KDM6A: variants seen among roughly 807,000 people sequenced by gnomAD.
The protein encoded by KDM6A is lysine-specific demethylase 6A.
Under a neutral mutation model 117.6 loss-of-function variants are expected in KDM6A, and 11 were observed. That is an observed-to-expected ratio of 0.09 (90% CI 0.06 to 0.15). KDM6A has a LOEUF of 0.15. KDM6A is among the 10% of genes least tolerant of loss of function. The pLI is 1.00. For missense variants in KDM6A, 799 were observed against 1,077.3 expected, an observed-to-expected ratio of 0.74 and a Z score of 3.62; for synonymous variants, 384 against 396.1, an observed-to-expected ratio of 0.97 and a Z score of 0.36.
chrX:45,078,533 G>T (rs779923162), intron 20 of KDM6A, 28 bp downstream of exon 20: 1 of 1,137,709 alleles, frequency 8.8e-7, no homozygotes, highest in South Asian at 1.9e-5. Context: ...AAAGGAAAAC[G>T]TTTGTCTCTT....
chrX:45,001,437 G>C (rs867964461), intron 4 of KDM6A, among the ~76,000 whole-genome samples: 2 of 111,393 alleles, frequency 1.8e-5, no homozygotes, highest in Non-Finnish European at 3.8e-5. Flanking sequence ...CTCTGCATTG[G>C]GGAGCAAGAC....
At chrX:44,902,187 CCA>C (rs1402322918) in intron 2 of KDM6A, among the ~76,000 whole-genome samples, 1 of 110,461 alleles carries the variant, frequency 9.1e-6, no homozygotes, top group Non-Finnish European at 1.9e-5. Context: ...CAAAATTGTG[CCA>C]CTGCACTCCA....
intron 29 of KDM6A, 134 bp downstream of exon 29, chrX:45,110,383 A>T (rs1350556975): frequency 3.8e-6 from 2 of 527,282 alleles, no homozygotes; most frequent in Non-Finnish European, 6.5e-6. Flanking sequence ...GCATGAGGGT[A>T]TATTCATATC....
chrX:44,972,485 T>C (rs2039403737), intron 3 of KDM6A, among the ~76,000 whole-genome samples: 1 of 111,018 alleles, frequency 9.0e-6, no homozygotes, highest in African/African-American at 3.3e-5. Flanking sequence ...AACATAGCTA[T>C]GTAAGGAAGG....
At chrX:45,089,251 AC>A (rs745752277) in intron 25 of KDM6A, among the ~76,000 whole-genome samples, 1 of 111,987 alleles carries the variant, frequency 8.9e-6, no homozygotes, top group South Asian at 3.7e-4. Flanking sequence ...TCCACTTACT[AC>A]AGGTATTATA....
chrX:44,969,873 G>A (rs1045437019), intron 3 of KDM6A, among the ~76,000 whole-genome samples: 1 of 112,228 alleles, frequency 8.9e-6, no homozygotes, highest in African/African-American at 3.2e-5. Flanking sequence ...TCTAAAACAG[G>A]TTTTAAGCAT....
chrX:44,984,724 A>G lies in KDM6A; in HGVS notation c.384+10009A>G, dbSNP rs1451575263. On this transcript the variant is annotated intron_variant, in intron 4 of 29. Coordinates refer to ENST00000611820, the MANE Select transcript of KDM6A (RefSeq NM_001291415.2). The stretch of plus-strand genomic sequence containing the variant: ...TTTGTCAAAGATCAGATAGTTGTAG[A>G]TATGCAGCATTATTTCTGAGGGCTC... 6.3e-5 allele frequency among the ~76,000 whole-genome samples: 7 copies of G among 111,181 alleles called. No individual in the cohort carries two copies. The East Asian group carries it at 2.0e-3, about 31-fold the overall frequency.
chrX:44,894,892 G>A (rs2033689045), intron 2 of KDM6A, among the ~76,000 whole-genome samples: 1 of 105,507 alleles, frequency 9.5e-6, no homozygotes, highest in Admixed American at 1.0e-4. Flanking sequence ...CTCAGCCCCC[G>A]AGTAGCTGGG....
intron 17 of KDM6A, among the ~76,000 whole-genome samples, chrX:45,068,586 C>G (rs1166697320): frequency 1.9e-5 from 2 of 102,725 alleles, no homozygotes; most frequent in Non-Finnish European, 4.0e-5. Context: ...AAAAGAGAGA[C>G]ACAAGGTTCT....
intron 27 of KDM6A, 113 bp downstream of exon 27, chrX:45,090,977 C>A: frequency 1.3e-6 from 1 of 770,237 alleles, no homozygotes; most frequent in East Asian, 3.2e-5. Flanking sequence ...GTGCAAAAGT[C>A]TAGCAGAATG....
chrX:45,061,089 T>C (rs997703090), intron 14 of KDM6A, among the ~76,000 whole-genome samples: 3 of 111,504 alleles, frequency 2.7e-5, no homozygotes, highest in African/African-American at 9.8e-5. Context: ...GTTTGGGCCA[T>C]AGTTTGAGGG....
intron 2 of KDM6A, among the ~76,000 whole-genome samples, chrX:44,928,326 T>TG (rs1429411592): frequency 9.1e-6 from 1 of 110,496 alleles, no homozygotes; most frequent in Non-Finnish European, 1.9e-5. Context: ...TGTGCACACA[T>TG]GTGGCAAAAT....
chrX:44,912,853 C>T (rs1456509906), intron 2 of KDM6A, among the ~76,000 whole-genome samples: 1 of 112,306 alleles, frequency 8.9e-6, no homozygotes, highest in African/African-American at 3.2e-5. Flanking sequence ...AACATTTTTA[C>T]CATCTACCTG....
intron 27 of KDM6A, among the ~76,000 whole-genome samples, chrX:45,103,430 T>C (rs756985745): frequency 2.2e-4 from 25 of 111,349 alleles, no homozygotes; most frequent in Non-Finnish European, 4.3e-4. Context: ...TGTGATTCTC[T>C]ACCTCCCCTC....
intron 2 of KDM6A, among the ~76,000 whole-genome samples, chrX:44,890,613 G>T (rs1422444908): frequency 4.0e-5 from 3 of 75,047 alleles, no homozygotes; most frequent in Admixed American, 1.5e-4. Context: ...GTTTTAATGT[G>T]TATTTCCCTA....
At chrX:45,096,071 CTGTATA>C (rs1172820983) in intron 27 of KDM6A, among the ~76,000 whole-genome samples, 1 of 110,997 alleles carries the variant, frequency 9.0e-6, no homozygotes, top group Non-Finnish European at 1.9e-5. Flanking sequence ...AGCATTAATT[CTGTATA>C]TGTTGAGCAT....
chrX:44,960,331 T>C (rs1011186043), intron 2 of KDM6A, among the ~76,000 whole-genome samples: 1 of 111,715 alleles, frequency 9.0e-6, no homozygotes, highest in Non-Finnish European at 1.9e-5. Context: ...GAGCACTTAA[T>C]TGTTAATGGG....
chrX:45,099,482 AATTGT>A (rs1384984622), intron 27 of KDM6A, among the ~76,000 whole-genome samples: 6 of 110,659 alleles, frequency 5.4e-5, no homozygotes, highest in African/African-American at 2.0e-4. Flanking sequence ...GTTTTCTCAT[AATTGT>A]ATTTAGGGTA....
chrX:44,982,613 C>CT (rs1390209442), intron 4 of KDM6A, among the ~76,000 whole-genome samples: 4 of 111,707 alleles, frequency 3.6e-5, no homozygotes, highest in Non-Finnish European at 7.5e-5. Flanking sequence ...ATAGATAATT[C>CT]TTATCCTTAA....
Sources: allele counts gnomAD v4.1 joint callset (sites outside exome capture counted in the v4.1 genomes callset), GRCh38; gene constraint gnomAD v4.1.1; transcripts MANE v1.5; gene names NCBI Gene and HGNC (gene_info 2026-07-23, HGNC 2026-07-21).